DDX10: variants seen among roughly 807,000 people sequenced by gnomAD.
DDX10 encodes the protein DEAD-box helicase 10, also known as probable ATP-dependent RNA helicase DDX10.
In DDX10, 74 loss-of-function variants were observed where a neutral mutation model predicts 104.3. The observed-to-expected ratio is 0.71, with a 90% CI of 0.59 to 0.86. The LOEUF is 0.86. DDX10 is among the 40% of genes least tolerant of loss of function. The pLI is 0.00. For missense variants in DDX10, 952 were observed against 1,040.0 expected, an observed-to-expected ratio of 0.92 and a Z score of 1.16; for synonymous variants, 351 against 353.4, an observed-to-expected ratio of 0.99 and a Z score of 0.08.
chr11:108,924,153 C>T (rs1183013097), intron 17 of DDX10, among the ~76,000 whole-genome samples: 1 of 151,908 alleles, frequency 6.6e-6, no homozygotes, highest in Non-Finnish European at 1.5e-5. Flanking sequence ...GTTCATTATC[C>T]AGTCAAATTA....
At chr11:108,923,934 C>T (rs983487586) in intron 17 of DDX10, among the ~76,000 whole-genome samples, 6 of 152,028 alleles carry the variant, frequency 3.9e-5, no homozygotes, top group Non-Finnish European at 7.4e-5. Context: ...AACCGTATTC[C>T]GTTTAAACTC....
intron 6 of DDX10, among the ~76,000 whole-genome samples, chr11:108,684,509 G>T (rs2094240589): frequency 6.7e-6 from 1 of 149,364 alleles, no homozygotes. Context: ...TTTCATCCAT[G>T]TCCCTACAAA....
chr11:108,733,937 A>G (rs969291328), intron 13 of DDX10, among the ~76,000 whole-genome samples: 4 of 151,702 alleles, frequency 2.6e-5, no homozygotes, highest in Non-Finnish European at 5.9e-5. Flanking sequence ...CATTCTTCCC[A>G]GTTTCCACTT....
In DDX10 at chr11:108,691,829, T is replaced by C. The variant is rs2094252957; in HGVS notation, c.976-47T>C. 40 of 1,562,526 alleles carry C rather than the reference T, an allele frequency of 2.6e-5. 1 individual carries two copies. The East Asian group carries it at 9.2e-4, about 36-fold the overall frequency. ...TACGTTGATAAGAGAAAAGCTTTAT[T>C]GCTGCCATCTGCCATAAGCAAACTT... On this transcript the variant is annotated intron_variant, in intron 7 of 17. Transcript: ENST00000322536.
chr11:108,908,045 C>G (rs994109820), intron 16 of DDX10, among the ~76,000 whole-genome samples: 5 of 152,268 alleles, frequency 3.3e-5, no homozygotes, highest in African/African-American at 1.2e-4. Context: ...TAAATACATA[C>G]TCACTTTCAG....
intron 9 of DDX10, among the ~76,000 whole-genome samples, chr11:108,698,937 A>G (rs1409796548): frequency 2.0e-5 from 3 of 151,918 alleles, no homozygotes; most frequent in Non-Finnish European, 4.4e-5. Flanking sequence ...GCTGGAATGC[A>G]TTTTCCTCAA....
Position 108,717,339 on chromosome 11 carries a change from C to T in DDX10, c.1410+1373C>T, listed in dbSNP as rs780744487. The stretch of plus-strand genomic sequence containing the variant: ...TTTGTTTGTTTTTGATACGCAGTTT[C>T]GCTTTTATTATCCAGGCTGGAGTGC... On this transcript the variant is annotated intron_variant, in intron 11 of 17. Coordinates refer to ENST00000322536, the MANE Select transcript of DDX10 (RefSeq NM_004398.4). 3.2e-4 allele frequency among the ~76,000 whole-genome samples: 48 copies of T among 152,166 alleles called. 1 individual carries two copies. The highest frequency in any genetic ancestry group is 1.3e-4 in the Non-Finnish European group (9 of 68,030).
intron 13 of DDX10, among the ~76,000 whole-genome samples, chr11:108,792,078 T>C (rs754325586): frequency 6.6e-6 from 1 of 152,220 alleles, no homozygotes; most frequent in African/African-American, 2.4e-5. Context: ...TTATATATCA[T>C]TTTTGAAGTT....
chr11:108,669,082 A>G (rs1025425575), intron 1 of DDX10, among the ~76,000 whole-genome samples: 7 of 150,908 alleles, frequency 4.6e-5, no homozygotes, highest in South Asian at 2.1e-4. Context: ...GCAGTTGCCA[A>G]GAGTGGAGCT....
At chr11:108,682,710 T>A (rs1387602577) in intron 6 of DDX10, among the ~76,000 whole-genome samples, 2 of 152,220 alleles carry the variant, frequency 1.3e-5, no homozygotes, top group African/African-American at 4.8e-5. Flanking sequence ...CAGTATTTAT[T>A]TAGACTTACC....
intron 13 of DDX10, among the ~76,000 whole-genome samples, chr11:108,782,580 A>C (rs1861721265): frequency 6.6e-6 from 1 of 152,202 alleles, no homozygotes; most frequent in Non-Finnish European, 1.5e-5. Context: ...CTTAGCAATT[A>C]GCTTGGCATA....
intron 13 of DDX10, among the ~76,000 whole-genome samples, chr11:108,749,058 C>G (rs1185942624): frequency 6.6e-6 from 1 of 151,046 alleles, no homozygotes; most frequent in Non-Finnish European, 1.5e-5. Context: ...ATGTCTCTCT[C>G]TCTCTCTCTC....
In DDX10 at chr11:108,723,271, A is replaced by G. The variant is rs1202495549; in HGVS notation, c.1774A>G (p.Met592Val). The stretch of plus-strand genomic sequence containing the variant: ...AGAAGAAGAAGACGATGAAGAAGAA[A>G]TGGAAGAGAAACTGGCAAAAGCAAA... ...QEEEEDDEEE[M>V]EEKLAKAKGS... is the part of the protein sequence containing the mutation. The change falls in exon 13 of 18, where the codon ATG (methionine) becomes GTG (valine). Residue 592 changes from methionine to valine, a missense_variant. By Grantham distance (21) the Met-to-Val change is conservative. This residue lies in a region of DDX10 where 533 missense variants were observed against 534.1 expected (regional missense o/e 1.00). Transcript: ENST00000322536. 1 of 1,613,588 alleles carries G rather than the reference A, an allele frequency of 6.2e-7. No homozygotes were observed. Among genetic ancestry groups the G allele is most frequent in the Middle Eastern group, 1.7e-4 (1 of 6,060 alleles).
intron 13 of DDX10, among the ~76,000 whole-genome samples, chr11:108,835,657 C>T (rs1268062799): frequency 6.6e-6 from 1 of 152,222 alleles, no homozygotes; most frequent in Non-Finnish European, 1.5e-5. Flanking sequence ...GGGCCCGTTA[C>T]AAAGTTTTCT....
chr11:108,819,788 G>T (rs1243408913), intron 13 of DDX10, among the ~76,000 whole-genome samples: 1 of 151,958 alleles, frequency 6.6e-6, no homozygotes, highest in Non-Finnish European at 1.5e-5. Context: ...TAGTAGAGAC[G>T]AGGTTTCACC....
chr11:108,779,590 G>C (rs2094375288), intron 13 of DDX10, among the ~76,000 whole-genome samples: 1 of 152,012 alleles, frequency 6.6e-6, no homozygotes, highest in African/African-American at 2.4e-5. Flanking sequence ...TGTAAATGCA[G>C]CACACCAACG....
intron 13 of DDX10, among the ~76,000 whole-genome samples, chr11:108,830,007 A>T (rs937075496): frequency 1.3e-5 from 2 of 151,984 alleles, no homozygotes; most frequent in South Asian, 4.1e-4. Flanking sequence ...ATGCCTCCAG[A>T]CCTGTTCTTT....
chr11:108,785,247 C>T (rs1278210352), intron 13 of DDX10, among the ~76,000 whole-genome samples: 5 of 152,132 alleles, frequency 3.3e-5, no homozygotes, highest in Non-Finnish European at 7.4e-5. Flanking sequence ...TGTGTATGTT[C>T]AACCAACCTT....
chr11:108,824,509 A>G (rs1049264292), intron 13 of DDX10, among the ~76,000 whole-genome samples: 7 of 152,168 alleles, frequency 4.6e-5, no homozygotes, highest in Non-Finnish European at 1.0e-4. Context: ...GAGTTCTAGA[A>G]GAATTCCAAA....
Sources: gnomAD v4.1 joint callset for allele counts (sites outside exome capture counted in the v4.1 genomes callset) on GRCh38, gnomAD v4.1.1 for gene constraint, gnomAD v4.1.1 regional missense constraint, MANE v1.5 for transcripts, NCBI Gene and HGNC (gene_info 2026-07-23, HGNC 2026-07-21) for gene names.